Variants in CD86 observed in about 807,000 individuals in gnomAD.
CD86 encodes the protein T-lymphocyte activation antigen CD86.
In CD86, 11 loss-of-function variants were observed where a neutral mutation model predicts 32.1. The observed-to-expected ratio is 0.34, with a 90% confidence interval of 0.22 to 0.57. The LOEUF (loss-of-function observed/expected upper bound fraction) is 0.57. CD86 is among the 20% of genes least tolerant of loss of function. The pLI, the probability that CD86 is intolerant of heterozygous loss-of-function variation, is 0.86. For synonymous variants in CD86, 137 were observed against 135.3 expected, an observed-to-expected ratio of 1.01 and a Z score of -0.09; for missense variants, 359 against 398.4, an observed-to-expected ratio of 0.90 and a Z score of 0.84.
intron 4 of CD86, among the ~76,000 whole-genome samples, chr3:122,108,421 T>C (rs1250584359): frequency 2.6e-5 from 4 of 152,206 alleles, no homozygotes; most frequent in African/African-American, 4.8e-5. Context: ...TGGCCTGCAA[T>C]GCCAACAACT....
intron 1 of CD86, 104 bp downstream of exon 1, chr3:122,055,607 C>T: frequency 9.5e-7 from 1 of 1,057,120 alleles, no homozygotes; most frequent in Non-Finnish European, 1.5e-6. Context: ...CACTTAGTTC[C>T]TAAGTGGAGA....
intron 5 of CD86, 124 bp from the exon 6 acceptor site, chr3:122,117,924 C>T (rs1462437796): frequency 1.3e-6 from 1 of 763,964 alleles, no homozygotes; most frequent in South Asian, 1.6e-5. Context: ...GTAACTATCT[C>T]TTCCATATAT....
intron 1 of CD86, among the ~76,000 whole-genome samples, chr3:122,077,290 C>G (rs540707794): frequency 2.0e-5 from 3 of 152,196 alleles, no homozygotes; most frequent in East Asian, 3.8e-4. Flanking sequence ...ACACACCTTT[C>G]CCACTTCTGC....
At chr3:122,065,426 A>G (rs547867510) in intron 1 of CD86, among the ~76,000 whole-genome samples, 43 of 152,364 alleles carry the variant, frequency 2.8e-4, no homozygotes, top group African/African-American at 1.0e-3. Context: ...ATCATAATTA[A>G]TTGCCAATAT....
At chr3:122,057,334 T>C (rs79777082) in intron 1 of CD86, among the ~76,000 whole-genome samples, 5,703 of 152,272 alleles carry the variant, frequency 0.037, 137 homozygotes, top group African/African-American at 0.07. Flanking sequence ...ATAAGGAAAA[T>C]CTTAGAAACA....
At chr3:122,064,209 G>A (rs2072381029) in intron 1 of CD86, among the ~76,000 whole-genome samples, 1 of 151,962 alleles carries the variant, frequency 6.6e-6, no homozygotes, top group African/African-American at 2.4e-5. Flanking sequence ...TCCTAAGGTG[G>A]GGATGATGCT....
chr3:122,106,132 T>C, intron 3 of CD86, 66 bp from the exon 4 acceptor site: 1 of 1,252,728 alleles, frequency 8.0e-7, no homozygotes, highest in Non-Finnish European at 1.1e-6. Context: ...ACCCAGTTAT[T>C]TGCTATTCCC....
At chr3:122,091,902 G>C in intron 2 of CD86, 1 of 482,712 alleles carries the variant, frequency 2.1e-6, no homozygotes, top group Non-Finnish European at 3.8e-6. Flanking sequence ...ACATCAGTGA[G>C]CCTAGATGCT....
intron 1 of CD86, among the ~76,000 whole-genome samples, chr3:122,076,174 G>T (rs2072553579): frequency 6.6e-6 from 1 of 152,136 alleles, no homozygotes; most frequent in Non-Finnish European, 1.5e-5. Context: ...TTTACTTAAA[G>T]TATGTTATAA....
intron 2 of CD86, among the ~76,000 whole-genome samples, chr3:122,097,665 A>G (rs1423026391): frequency 1.3e-5 from 2 of 152,176 alleles, no homozygotes; most frequent in African/African-American, 4.8e-5. Flanking sequence ...TTCATGAGGA[A>G]AATGAGGTGA....
intron 1 of CD86, among the ~76,000 whole-genome samples, chr3:122,061,662 G>T (rs1204931865): frequency 6.6e-6 from 1 of 152,148 alleles, no homozygotes; most frequent in Non-Finnish European, 1.5e-5. Context: ...CTATAAAAAT[G>T]GTTAAAATAA....
chr3:122,076,852 GAGA>G (rs1322633425), intron 1 of CD86, among the ~76,000 whole-genome samples: 1 of 152,232 alleles, frequency 6.6e-6, no homozygotes, highest in Non-Finnish European at 1.5e-5. Context: ...TTTCATAAGT[GAGA>G]AGACTGACAT....
intron 1 of CD86, chr3:122,077,973 T>C: frequency 1.0e-6 from 1 of 985,664 alleles, no homozygotes; most frequent in Non-Finnish European, 1.2e-6. Context: ...TGCTTCTGTG[T>C]TCCTTGGGAA....
At chr3:122,085,299 T>C (rs192777004) in intron 1 of CD86, among the ~76,000 whole-genome samples, 2 of 152,338 alleles carry the variant, frequency 1.3e-5, no homozygotes, top group East Asian at 1.9e-4. Flanking sequence ...AACCTTCTTA[T>C]TTTGTAGTTC....
intron 2 of CD86, among the ~76,000 whole-genome samples, chr3:122,100,709 G>A (rs2072986228): frequency 6.6e-6 from 1 of 152,138 alleles, no homozygotes; most frequent in Admixed American, 6.5e-5. Flanking sequence ...ATTATCCTTT[G>A]AAACAAATTC....
chr3:122,083,852 G>C lies in CD86; in HGVS notation c.15-7749G>C, dbSNP rs149445553. Among the ~76,000 whole-genome samples the C allele has an allele frequency of 7.5e-4, 114 of 152,252 alleles. 1 individual carries two copies. In the East Asian group the frequency reaches 0.02, roughly 27 times the overall value. ...ATAATTTGTATTCTGATTACATGTT[G>C]AGATTATAATATTTCACATACATCA... On this transcript the variant is annotated intron_variant, in intron 1 of 6. Transcript: ENST00000330540.
chr3:122,120,154 A>G lies in CD86; in HGVS notation c.*620A>G, dbSNP rs2073321082. ...AAAACGGTGGCCTAGGGTACAGGCA[A>G]CAATGAGCAGACCAACCTAAATTTG... On this transcript the variant is annotated 3_prime_UTR_variant, in exon 7 of 7. Coordinates refer to ENST00000330540, the MANE Select transcript of CD86 (RefSeq NM_175862.5). 1.3e-5 allele frequency: 2 copies of G among 152,346 alleles called. No individual in the cohort carries two copies. The highest frequency in any genetic ancestry group is 4.8e-5 in the African/African-American group (2 of 41,474). The allele number at this position is 152,346 out of a possible 1,614,324, so 9.4% of individuals were successfully genotyped here.
At chr3:122,063,154 C>T (rs1156956166) in intron 1 of CD86, among the ~76,000 whole-genome samples, 1 of 152,140 alleles carries the variant, frequency 6.6e-6, no homozygotes, top group Non-Finnish European at 1.5e-5. Context: ...CTTTCTTTTT[C>T]GCTTTCTGGA....
intron 2 of CD86, chr3:122,091,944 G>A (rs2072830888): frequency 3.0e-6 from 1 of 334,764 alleles, no homozygotes; most frequent in Admixed American, 4.1e-5. Context: ...ATCCCATGGG[G>A]ATGGGGGAAG....
Sources: allele counts gnomAD v4.1 joint callset (sites outside exome capture counted in the v4.1 genomes callset), GRCh38; gene constraint gnomAD v4.1.1; transcripts MANE v1.5; gene names NCBI Gene and HGNC (gene_info 2026-07-23, HGNC 2026-07-21).